Variants in FOXN4 observed in about 807,000 individuals in gnomAD.
FOXN4 encodes forkhead box protein N4.
FOXN4 carries 12 observed loss-of-function variants against 45.0 expected under a neutral mutation model. The ratio of observed to expected loss-of-function variants is 0.27; its 90% CI spans 0.17 to 0.43. FOXN4 has a LOEUF of 0.43. FOXN4 is among the 20% of genes least tolerant of loss of function. The pLI is 1.00. For missense variants in FOXN4, 560 were observed against 694.9 expected (o/e 0.81, Z 2.18); for synonymous variants, 297 against 295.0 (o/e 1.01, Z -0.07).
chr12:109,302,233 C>A (rs111389988), intron 2 of FOXN4, among the ~76,000 whole-genome samples: 31 of 152,222 alleles, frequency 2.0e-4, no homozygotes, highest in Non-Finnish European at 3.8e-4. Flanking sequence ...TGGACCCCCA[C>A]GGCCACTGTC....
chr12:109,287,811 G>T lies in FOXN4; in HGVS notation c.468+33C>A. ...GCCAGCCCAAGGCAGGGTGTCTGCT[G>T]CTCAGTCCAGGGCTCCCCTGAGCCC... is the stretch of plus-strand genomic sequence containing the variant. On this transcript the variant is annotated intron_variant, in intron 5 of 9. Transcript: ENST00000299162. This position sits in a 1 kb window ranked among gnomAD's most constrained non-coding sequence, Gnocchi z 4.1. The T allele has an allele frequency of 6.6e-7, 1 of 1,519,298 alleles. No homozygotes were observed. 94.1% of individuals were successfully genotyped at this position (1,519,298 alleles called of 1,614,324 possible).
At chr12:109,303,242 C>A (rs148360346) in intron 2 of FOXN4, among the ~76,000 whole-genome samples, 230 of 152,240 alleles carry the variant, frequency 1.5e-3, no homozygotes, top group African/African-American at 4.9e-3. Flanking sequence ...GTTCTCTCCA[C>A]CCTGAGGGTG....
intron 7 of FOXN4, 29 bp downstream of exon 7, chr12:109,286,619 C>T: frequency 1.9e-6 from 3 of 1,583,768 alleles, no homozygotes; most frequent in Non-Finnish European, 2.6e-6. Context: ...AGGGCAGCTC[C>T]AGCACCCCTA....
chr12:109,280,997 C>T (rs1311334316), intron 9 of FOXN4, among the ~76,000 whole-genome samples: 1 of 152,298 alleles, frequency 6.6e-6, no homozygotes, highest in East Asian at 1.9e-4. Context: ...GGGTGAGTGA[C>T]TTCACTTCTC....
chr12:109,299,439 C>T (rs1390731211), intron 2 of FOXN4, among the ~76,000 whole-genome samples: 1 of 152,190 alleles, frequency 6.6e-6, no homozygotes, highest in Non-Finnish European at 1.5e-5. Flanking sequence ...TGCACACGCC[C>T]ACAGACCCTA....
intron 2 of FOXN4, among the ~76,000 whole-genome samples, chr12:109,295,236 A>G (rs1314564980): frequency 6.6e-6 from 1 of 152,124 alleles, no homozygotes. Flanking sequence ...ACAGAGAGAG[A>G]CCCTAAATCA....
chr12:109,279,840 GC>G lies in FOXN4; in HGVS notation c.1384del (p.Ala462ProfsTer4). ...ADSPLGCDLG[A>X]SGLTPASGGS... is the part of the protein sequence containing the mutation. ...ACCCGAGGCAGGGGTTAGGCCTGAG[GC>G]CCCCAGGTCACAGCCAAGCGGGGAG... On this transcript the variant is annotated frameshift_variant, in exon 10 of 10. Coordinates refer to ENST00000299162, the MANE Select transcript of FOXN4 (RefSeq NM_213596.3). LOFTEE classifies it low-confidence loss of function (END_TRUNC). The G allele has an allele frequency of 6.2e-7, 1 of 1,613,776 alleles. No homozygotes were observed. Among genetic ancestry groups the G allele is most frequent in the South Asian group, 1.1e-5 (1 of 90,998 alleles).
chr12:109,289,434 T>C (rs1195900507), intron 3 of FOXN4, among the ~76,000 whole-genome samples: 2 of 152,260 alleles, frequency 1.3e-5, no homozygotes, highest in African/African-American at 4.8e-5. Flanking sequence ...CTGCTGTACA[T>C]GCTTTGCCCA....
chr12:109,300,817 G>A (rs141919007), intron 2 of FOXN4, among the ~76,000 whole-genome samples: 1,763 of 152,262 alleles, frequency 0.012, 36 homozygotes, highest in African/African-American at 0.041. Context: ...GCTGAGGCAG[G>A]AGGATTGTTT....
chr12:109,303,814 C>T (rs2047888209), intron 2 of FOXN4, among the ~76,000 whole-genome samples: 1 of 152,086 alleles, frequency 6.6e-6, no homozygotes, highest in Non-Finnish European at 1.5e-5. Flanking sequence ...AAGTTCTGCC[C>T]CTTCATAAAT....
chr12:109,285,007 G>A (rs1232339349), intron 8 of FOXN4, among the ~76,000 whole-genome samples: 1 of 148,534 alleles, frequency 6.7e-6, no homozygotes, highest in Non-Finnish European at 1.5e-5. Flanking sequence ...CTGCGTGTGT[G>A]CGTGCATTTG....
At chr12:109,289,100 T>C (rs1420413707) in intron 3 of FOXN4, among the ~76,000 whole-genome samples, 1 of 152,240 alleles carries the variant, frequency 6.6e-6, no homozygotes, top group East Asian at 1.9e-4. Flanking sequence ...AGGCACTTTC[T>C]GCATTGAATC....
In FOXN4 at chr12:109,291,579, C is replaced by T. The variant is rs1345803772; in HGVS notation, c.87-1293G>A. ...CTGCCTCACGTTCTCCCTCTCCCTC[C>T]TCCTCCCTGTCTCTCTCTCTGCTCC... On this transcript the variant is annotated intron_variant, in intron 2 of 9. Transcript: ENST00000299162. This position sits in a 1 kb window ranked among gnomAD's most constrained non-coding sequence, Gnocchi z 6.6. Among the ~76,000 whole-genome samples the T allele has an allele frequency of 2.0e-5, 3 of 152,052 alleles. No homozygotes were observed. In the East Asian group the frequency reaches 5.8e-4, roughly 30 times the overall value.
rs1045723991 is a variant in FOXN4, at chr12:109,279,107, C to G, written c.*564G>C. The G allele has an allele frequency of 6.4e-6, 1 of 157,110 alleles. No homozygotes were observed. Among genetic ancestry groups the G allele is most frequent in the Non-Finnish European group, 1.4e-5 (1 of 70,780 alleles). 9.7% of individuals were successfully genotyped at this position (157,110 alleles called of 1,614,324 possible). On this transcript the variant is annotated 3_prime_UTR_variant, in exon 10 of 10. Transcript: ENST00000299162. Reference sequence around the variant, plus strand: ...AGGTGGGGCTGAAGGCCACCTGGACCGGCTCCCATTTCAGAGTTCAGCTTG... The same window carrying G: ...AGGTGGGGCTGAAGGCCACCTGGACGGGCTCCCATTTCAGAGTTCAGCTTG...
intron 3 of FOXN4, among the ~76,000 whole-genome samples, chr12:109,289,934 C>T (rs1361566205): frequency 6.6e-6 from 1 of 152,202 alleles, no homozygotes; most frequent in Non-Finnish European, 1.5e-5. Context: ...AACCTTAGCT[C>T]GCCCAGGGCC....
chr12:109,287,623 A>G lies in FOXN4; in HGVS notation c.469-99T>C. 7.1e-7 allele frequency: 1 copy of G among 1,405,066 alleles called. No homozygotes were observed. The highest frequency in any genetic ancestry group is 1.5e-5 in the South Asian group (1 of 66,652). The allele number at this position is 1,405,066 out of a possible 1,614,324, so 87.0% of individuals were successfully genotyped here. ...GTAACACTGTCCCCACCCCAGTTTC[A>G]AAACACCTTGTGTGGGGATTCACAA... On this transcript the variant is annotated intron_variant, in intron 5 of 9. Coordinates refer to ENST00000299162, the MANE Select transcript of FOXN4 (RefSeq NM_213596.3). The surrounding 1 kb of genome is among the most constrained non-coding windows in gnomAD (Gnocchi z 4.1).
At chr12:109,285,209 T>C (rs1381040883) in intron 8 of FOXN4, 95 bp downstream of exon 8, 41 of 1,484,576 alleles carry the variant, frequency 2.8e-5, no homozygotes, top group Non-Finnish European at 3.4e-5. Context: ...GGGTTGGCCA[T>C]GCTCTGGTGG....
Position 109,279,869 on chromosome 12 carries a change from T to A in FOXN4, c.1356A>T (p.Ala452=), listed in dbSNP as rs2047635716. The A allele has an allele frequency of 6.2e-7, 1 of 1,614,012 alleles. No homozygotes were observed. Among genetic ancestry groups the A allele is most frequent in the East Asian group, 2.2e-5 (1 of 44,876 alleles). ...GFSLDTLGAF[A]DSPLGCDLGA... is the part of the protein sequence containing the mutation. ...CCAGGTCACAGCCAAGCGGGGAGTC[T>A]GCAAAGGCGCCCAGTGTGTCCAAGC... The change falls in exon 10 of 10, where the codon GCA becomes GCT. Residue 452 remains alanine (A), a synonymous_variant. Transcript: ENST00000299162.
rs747497202 is a variant in FOXN4 at position 109,281,404 on chromosome 12, C to T, written c.1294+3G>A. 2.2e-5 allele frequency: 35 copies of T among 1,613,632 alleles called. No individual in the cohort carries two copies. Among genetic ancestry groups the T allele is most frequent in the Non-Finnish European group, 2.9e-5 (34 of 1,179,776 alleles). ...TCCCATCACTCCATTCCTCCAGCCT[C>T]ACCCTGCAGAGCGAAGTCCATGATG... is the stretch of plus-strand genomic sequence containing the variant. On this transcript the variant is annotated splice_donor_region_variant and intron_variant, in intron 9 of 9. Coordinates refer to ENST00000299162, the MANE Select transcript of FOXN4 (RefSeq NM_213596.3).
Sources: gnomAD v4.1 joint callset for allele counts (sites outside exome capture counted in the v4.1 genomes callset) on GRCh38, gnomAD v4.1.1 for gene constraint, Gnocchi (gnomAD v3.1) non-coding constraint, MANE v1.5 for transcripts, NCBI Gene and HGNC (gene_info 2026-07-23, HGNC 2026-07-21) for gene names.